The following RYR3 variants were observed in gnomAD, a reference collection of about 807,000 sequenced individuals.
The protein encoded by RYR3 is brain ryanodine receptor-calcium release channel.
Under a neutral mutation model 584.3 loss-of-function variants are expected in RYR3, and 207 were observed. That is an observed-to-expected ratio of 0.35 (90% CI 0.32 to 0.40). The LOEUF (loss-of-function observed/expected upper bound fraction) is 0.40, where lower values mean the gene tolerates loss of function less well. RYR3 is among the 10% of genes least tolerant of loss of function. The pLI, the probability that RYR3 is intolerant of heterozygous loss-of-function variation, is 1.00. For synonymous variants in RYR3, 2,416 were observed against 2,248.5 expected (o/e 1.07, Z -2.11); for missense variants, 5,616 against 6,089.2 (o/e 0.92, Z 2.59).
intron 47 of RYR3, 126 bp downstream of exon 47, chr15:33,729,152 G>A: frequency 2.6e-6 from 2 of 761,516 alleles, no homozygotes; most frequent in East Asian, 5.4e-5. Context: ...TAATGGGTGA[G>A]AAAATAGAGG....
intron 1 of RYR3, among the ~76,000 whole-genome samples, chr15:33,449,977 C>T (rs2596156): frequency 0.67 from 101,119 of 151,664 alleles, 34,684 homozygotes; most frequent in African/African-American, 0.86. Flanking sequence ...GTTTGAATTA[C>T]TGCTTAGTGG....
intron 1 of RYR3, among the ~76,000 whole-genome samples, chr15:33,424,313 C>G (rs73380450): frequency 0.021 from 3,219 of 152,272 alleles, 123 homozygotes; most frequent in African/African-American, 0.073. Context: ...AGGTCAAGCC[C>G]TTAGTACATT....
intron 12 of RYR3, among the ~76,000 whole-genome samples, chr15:33,577,171 T>C (rs2058342499): frequency 6.6e-6 from 1 of 152,138 alleles, no homozygotes; most frequent in African/African-American, 2.4e-5. Flanking sequence ...AGAATCAATA[T>C]CATGAAAATG....
chr15:33,629,444 A>G (rs780107239), intron 21 of RYR3, among the ~76,000 whole-genome samples: 2 of 152,240 alleles, frequency 1.3e-5, no homozygotes, highest in East Asian at 1.9e-4. Flanking sequence ...ATTATTTTGC[A>G]TTTATTAGGT....
intron 1 of RYR3, among the ~76,000 whole-genome samples, chr15:33,377,785 T>G (rs1401204069): frequency 1.3e-5 from 2 of 152,180 alleles, no homozygotes; most frequent in Non-Finnish European, 2.9e-5. Flanking sequence ...ACGTAAGTTC[T>G]AGAAATCTTT....
At chr15:33,578,606 G>A (rs1428294487) in intron 12 of RYR3, among the ~76,000 whole-genome samples, 4 of 151,982 alleles carry the variant, frequency 2.6e-5, no homozygotes, top group South Asian at 4.2e-4. Flanking sequence ...ATGGCCTGTC[G>A]AGGGGTGGGG....
intron 1 of RYR3, among the ~76,000 whole-genome samples, chr15:33,398,587 C>T (rs920077286): frequency 2.2e-4 from 34 of 152,206 alleles, no homozygotes; most frequent in Non-Finnish European, 4.4e-5. Flanking sequence ...GAAATTTCTC[C>T]ACGCATGGGA....
At chr15:33,389,797 T>C (rs1013777536) in intron 1 of RYR3, among the ~76,000 whole-genome samples, 17 of 152,232 alleles carry the variant, frequency 1.1e-4, no homozygotes, top group African/African-American at 3.6e-4. Flanking sequence ...TTTTATTTAA[T>C]ATCTTTTCAC....
chr15:33,584,913 G>A (rs918931572), intron 15 of RYR3, among the ~76,000 whole-genome samples: 2 of 151,936 alleles, frequency 1.3e-5, no homozygotes, highest in Non-Finnish European at 2.9e-5. Context: ...AAGAATGACA[G>A]GGATGAGAGG....
At chr15:33,641,601 G>A (rs935488732) in intron 27 of RYR3, among the ~76,000 whole-genome samples, 71 of 152,160 alleles carry the variant, frequency 4.7e-4, no homozygotes, top group African/African-American at 8.9e-4. Context: ...AAGAGAAAGC[G>A]CTGGTGCTTA....
rs1452255985 is a variant in RYR3, at chr15:33,848,312, A to C, written c.13519A>C (p.Arg4507=). 1 of 1,613,788 alleles carries C rather than the reference A, an allele frequency of 6.2e-7. No individual in the cohort carries two copies. ...CTAGGTGCCTTTGGTGGTTTTCAAA[A>C]GGGAAAAAGAAATCGCCAGGAAGCT... is the stretch of plus-strand genomic sequence containing the variant. ...CLKVPLVVFK[R]EKEIARKLEF... The change falls in exon 94 of 104, where the codon AGG becomes CGG. Residue 4507 remains arginine (R), a synonymous_variant. Transcript: ENST00000634891.
At chr15:33,485,159 G>C (rs981310126) in intron 2 of RYR3, among the ~76,000 whole-genome samples, 3 of 152,208 alleles carry the variant, frequency 2.0e-5, no homozygotes, top group Admixed American at 2.0e-4. Flanking sequence ...TCATAGGGTA[G>C]AATACCACTT....
intron 85 of RYR3, among the ~76,000 whole-genome samples, chr15:33,827,689 A>G (rs2077451451): frequency 6.6e-6 from 1 of 152,236 alleles, no homozygotes; most frequent in African/African-American, 2.4e-5. Flanking sequence ...GAGAAGTCAG[A>G]TGGTTTGTTT....
At chr15:33,384,475 T>C (rs867953040) in intron 1 of RYR3, among the ~76,000 whole-genome samples, 4 of 71,764 alleles carry the variant, frequency 5.6e-5, no homozygotes, top group Admixed American at 3.0e-4. Context: ...ATTATAATAT[T>C]ATATTTTATA....
intron 1 of RYR3, among the ~76,000 whole-genome samples, chr15:33,451,860 T>A (rs1306817669): frequency 6.6e-6 from 1 of 152,252 alleles, no homozygotes; most frequent in Non-Finnish European, 1.5e-5. Context: ...TAAATAAAGC[T>A]CATAAAATTA....
chr15:33,843,865 C>T (rs2303870), intron 92 of RYR3, among the ~76,000 whole-genome samples: 5,211 of 152,256 alleles, frequency 0.034, 328 homozygotes, highest in East Asian at 0.31. Context: ...GTATTAGGAA[C>T]AACAAGGTAT....
intron 3 of RYR3, among the ~76,000 whole-genome samples, chr15:33,520,038 G>T (rs1342975712): frequency 1.3e-5 from 2 of 152,140 alleles, no homozygotes; most frequent in African/African-American, 4.8e-5. Flanking sequence ...AAAAAATAAA[G>T]GTTGGTTGTT....
At chr15:33,702,266 G>T (rs1020266294) in intron 42 of RYR3, among the ~76,000 whole-genome samples, 2 of 152,152 alleles carry the variant, frequency 1.3e-5, no homozygotes, top group Non-Finnish European at 2.9e-5. Flanking sequence ...GAGAGTATTA[G>T]GCAAAGGGGC....
chr15:33,384,249 A>G (rs953977911), intron 1 of RYR3, among the ~76,000 whole-genome samples: 3 of 152,022 alleles, frequency 2.0e-5, no homozygotes, highest in African/African-American at 7.2e-5. Context: ...GAGGATAGCA[A>G]CCTAAATCTT....
Sources: gnomAD v4.1 joint callset for allele counts (sites outside exome capture counted in the v4.1 genomes callset) on GRCh38, gnomAD v4.1.1 for gene constraint, MANE v1.5 for transcripts, NCBI Gene and HGNC (gene_info 2026-07-23, HGNC 2026-07-21) for gene names.